The following GNL1 variants were observed in gnomAD, a reference collection of about 807,000 sequenced individuals.
GNL1 encodes the protein G protein nucleolar 1, also known as guanine nucleotide-binding protein-like 1.
Under a neutral mutation model 75.2 loss-of-function variants are expected in GNL1, and 21 were observed. That is an observed-to-expected ratio of 0.28 (90% CI 0.20 to 0.40). The LOEUF (loss-of-function observed/expected upper bound fraction) is 0.40, where lower values mean the gene tolerates loss of function less well. Among genes scored for constraint, GNL1 ranks in the 10% least tolerant of loss-of-function variants. GNL1 has a pLI of 1.00. For missense variants in GNL1, 579 were observed against 775.0 expected (o/e 0.75, Z 3.00); for synonymous variants, 287 against 303.4 (o/e 0.95, Z 0.56).
rs1366115288 is a variant in GNL1, at chr6:30,545,151, C to T, written c.*921G>A. The T allele has an allele frequency of 2.6e-5, 4 of 152,194 alleles. No homozygotes were observed. The highest frequency in any genetic ancestry group is 5.9e-5 in the Non-Finnish European group (4 of 68,052). The allele number at this position is 152,194 out of a possible 1,614,324, so 9.4% of individuals were successfully genotyped here. On this transcript the variant is annotated 3_prime_UTR_variant, in exon 12 of 12. Transcript: ENST00000376621. ...CCCCCAAACCAGAGTAAATGGAATT[C>T]AGGAGGCTGGTTCTGTGCCCGCCCC... is the stretch of plus-strand genomic sequence containing the variant.
rs1311075075 is a variant in GNL1 at position 30,548,997 on chromosome 6, T to TG, written c.1100-1468_1100-1467insC. Among the ~76,000 whole-genome samples the TG allele has an allele frequency of 6.6e-6, 1 of 151,404 alleles. No individual in the cohort carries two copies. Among genetic ancestry groups the TG allele is most frequent in the Non-Finnish European group, 1.5e-5 (1 of 67,828 alleles). Reference sequence around the variant, plus strand: ...GACAACATGTTCCATCTGTCCTTGTTTTTTTTGTTTTTGTTTTTGAGACAG... The same window carrying TG: ...GACAACATGTTCCATCTGTCCTTGTTGTTTTTTGTTTTTGTTTTTGAGACAG... On this transcript the variant is annotated intron_variant, in intron 8 of 11. Coordinates refer to ENST00000376621, the MANE Select transcript of GNL1 (RefSeq NM_005275.5). This position sits in a 1 kb window ranked among gnomAD's most constrained non-coding sequence, Gnocchi z 4.2.
Position 30,555,232 on chromosome 6 carries a change from G to A in GNL1, c.240-41C>T, listed in dbSNP as rs760904773. 6 of 1,611,778 alleles carry A rather than the reference G, an allele frequency of 3.7e-6. No homozygotes were observed. The South Asian group carries it at 5.5e-5, about 15-fold the overall frequency. On this transcript the variant is annotated intron_variant, in intron 2 of 11. Coordinates refer to ENST00000376621, the MANE Select transcript of GNL1 (RefSeq NM_005275.5). This position sits in a 1 kb window ranked among gnomAD's most constrained non-coding sequence, Gnocchi z 4.3. ...CCGAGACATCCAGAGCAATCCTGTG[G>A]CCACAAACTCCTATTTTCTCCCCTC...
Position 30,553,002 on chromosome 6 carries a change from C to G in GNL1, c.904+82G>C, listed in dbSNP as rs372013362. 29 of 986,226 alleles carry G rather than the reference C, an allele frequency of 2.9e-5. 1 individual carries two copies. Among genetic ancestry groups the G allele is most frequent in the East Asian group, 2.4e-4 (10 of 42,052 alleles). The allele number at this position is 986,226 out of a possible 1,614,324, so 61.1% of individuals were successfully genotyped here. A position where few individuals can be genotyped will look rare whatever the true frequency, so the allele number is the denominator to read the frequency against. ...CACATATCCACCATAGAGGGGTTGG[C>G]TTCAGGAAAGGTGAGCAAAATGATT... On this transcript the variant is annotated intron_variant, in intron 7 of 11. Transcript: ENST00000376621.
intron 8 of GNL1, among the ~76,000 whole-genome samples, chr6:30,550,598 A>G (rs945962701): frequency 1.3e-5 from 2 of 151,962 alleles, no homozygotes; most frequent in African/African-American, 4.8e-5. Context: ...ACCCCCCATC[A>G]TTTATTCTCT....
chr6:30,551,547 C>T (rs1799779502), intron 8 of GNL1, among the ~76,000 whole-genome samples: 2 of 152,128 alleles, frequency 1.3e-5, no homozygotes, highest in African/African-American at 4.8e-5. Context: ...GGCCCTGGGT[C>T]CTAATCATAC....
In GNL1 at chr6:30,555,439, G is replaced by A. The variant is rs1015449012; in HGVS notation, c.239+116C>T. On this transcript the variant is annotated intron_variant, in intron 2 of 11. Transcript: ENST00000376621. The surrounding 1 kb of genome is among the most constrained non-coding windows in gnomAD (Gnocchi z 4.3). The stretch of plus-strand genomic sequence containing the variant: ...CGCTGTGGGGAGCCGAGTGGCTAGC[G>A]GAGAACTGTGGCATCCCAGGCCCAC... The A allele has an allele frequency of 8.3e-6, 9 of 1,089,420 alleles. No individual in the cohort carries two copies. The highest frequency in any genetic ancestry group is 1.6e-5 in the African/African-American group (1 of 64,080). 67.5% of individuals were successfully genotyped at this position (1,089,420 alleles called of 1,614,324 possible).
Position 30,547,226 on chromosome 6 carries a change from C to T in GNL1, c.1327G>A (p.Ala443Thr). ...ATTCGGGAGGCCAGGTAGCCCACAG[C>T]AGTGTAGGGCTCCTGGATCTGGGCG... ...PIAQIQEPYT[A>T]VGYLASRIPV... is the part of the protein sequence containing the mutation. The change falls in exon 10 of 12, where the codon GCT becomes ACT. Residue 443 changes from alanine to threonine, a missense_variant. Transcript: ENST00000376621. The surrounding 1 kb of genome is among the most constrained non-coding windows in gnomAD (Gnocchi z 5.5). 6.2e-7 allele frequency: 1 copy of T among 1,611,764 alleles called. No homozygotes were observed.
rs777389445 is a variant in GNL1, at chr6:30,556,120, C to T, written c.73+11G>A. On this transcript the variant is annotated intron_variant, in intron 1 of 11. Coordinates refer to ENST00000376621, the MANE Select transcript of GNL1 (RefSeq NM_005275.5). The surrounding 1 kb of genome is among the most constrained non-coding windows in gnomAD (Gnocchi z 5.7). ...CCGAGCCCCGCCCCCTCCTCCCGCTCCCGCACTGACCTCTCTTCCGCTCCC... is the reference window on the plus strand; with the variant it reads ...CCGAGCCCCGCCCCCTCCTCCCGCTTCCGCACTGACCTCTCTTCCGCTCCC... The T allele has an allele frequency of 3.8e-6, 6 of 1,599,454 alleles. No homozygotes were observed. The Admixed American group carries it at 6.7e-5, about 18-fold the overall frequency.
Position 30,548,745 on chromosome 6 carries a change from A to C in GNL1, c.1100-1215T>G, listed in dbSNP as rs1799588215. ...TGTGCTCACTCTTTACAACACATGC[A>C]AGTATCTAGGAGGAAGGGAGGGAAG... On this transcript the variant is annotated intron_variant, in intron 8 of 11. Coordinates refer to ENST00000376621, the MANE Select transcript of GNL1 (RefSeq NM_005275.5). The surrounding 1 kb of genome is among the most constrained non-coding windows in gnomAD (Gnocchi z 4.2). Among the ~76,000 whole-genome samples, 1 of 152,094 alleles carries C rather than the reference A, an allele frequency of 6.6e-6. No homozygotes were observed. The highest frequency in any genetic ancestry group is 1.5e-5 in the Non-Finnish European group (1 of 68,020).
Position 30,541,690 on chromosome 6 carries a change from C to A in GNL1, c.*4382G>T, listed in dbSNP as rs887461430. On this transcript the variant is annotated 3_prime_UTR_variant, in exon 12 of 12. Coordinates refer to ENST00000376621, the MANE Select transcript of GNL1 (RefSeq NM_005275.5). The stretch of plus-strand genomic sequence containing the variant: ...GAAGTCCATTTACCAACGGCTGTTG[C>A]GATCTCTTAATTAGCTTGAACTGAG... The A allele has an allele frequency of 6.6e-6, 1 of 152,192 alleles. No individual in the cohort carries two copies. Among genetic ancestry groups the A allele is most frequent in the Non-Finnish European group, 1.5e-5 (1 of 68,032 alleles). The allele number at this position is 152,192 out of a possible 1,614,324, so 9.4% of individuals were successfully genotyped here.
In GNL1 at chr6:30,556,427, C is replaced by T; in HGVS notation, c.-224G>A. ...CCAGGAGCGAGGCGAGAGGATGATG[C>T]GGGGTGGGCTACTGGCACGTGAGAG... On this transcript the variant is annotated 5_prime_UTR_variant, in exon 1 of 12. Transcript: ENST00000376621. This position sits in a 1 kb window ranked among gnomAD's most constrained non-coding sequence, Gnocchi z 5.7. 1.7e-6 allele frequency: 1 copy of T among 595,110 alleles called. No individual in the cohort carries two copies. The highest frequency in any genetic ancestry group is 2.0e-5 in the South Asian group (1 of 50,696). 36.9% of individuals were successfully genotyped at this position (595,110 alleles called of 1,614,324 possible).
rs1354061024 is a variant in GNL1, at chr6:30,552,021, C to T, written c.1099+446G>A. On this transcript the variant is annotated intron_variant, in intron 8 of 11. Coordinates refer to ENST00000376621, the MANE Select transcript of GNL1 (RefSeq NM_005275.5). This position sits in a 1 kb window ranked among gnomAD's most constrained non-coding sequence, Gnocchi z 4.5. The stretch of plus-strand genomic sequence containing the variant: ...GAGACTACAGGCACATACCACCACA[C>T]TTGGCTAGTTTTCTTTATCTTTTGT... Among the ~76,000 whole-genome samples, 2 of 152,112 alleles carry T rather than the reference C, an allele frequency of 1.3e-5. No individual in the cohort carries two copies. Among genetic ancestry groups the T allele is most frequent in the East Asian group, 1.9e-4 (1 of 5,176 alleles).
At position 30,554,872 on chromosome 6, in the gene GNL1, G is replaced by A. The variant is rs776824926; in HGVS notation, c.420C>T (p.Ser140=). 12 of 1,612,504 alleles carry A rather than the reference G, an allele frequency of 7.4e-6. No individual in the cohort carries two copies. The South Asian group carries it at 1.2e-4, about 16-fold the overall frequency. Residue 140 remains serine, a synonymous_variant, in exon 4 of 12, where the codon TCC becomes TCT. Transcript: ENST00000376621. The part of the protein sequence containing the change: ...PRRPPWSYEM[S]KEQLMSQEER... ...CCTCTTGGCTCATTAGTTGCTCCTT[G>A]GACATCTCATAGCTCCAAGGAGGAC... is the stretch of plus-strand genomic sequence containing the variant.
rs1331005036 is a variant in GNL1, at chr6:30,548,471, C to G, written c.1100-941G>C. Among the ~76,000 whole-genome samples, 1 of 152,142 alleles carries G rather than the reference C, an allele frequency of 6.6e-6. No individual in the cohort carries two copies. The highest frequency in any genetic ancestry group is 1.5e-5 in the Non-Finnish European group (1 of 68,030). ...CTCTGGTTACTCCATGCCAGTAAGTCTTTGACCCCTGACCTTAACACAGTA... is the reference window on the plus strand; with the variant it reads ...CTCTGGTTACTCCATGCCAGTAAGTGTTTGACCCCTGACCTTAACACAGTA... On this transcript the variant is annotated intron_variant, in intron 8 of 11. Coordinates refer to ENST00000376621, the MANE Select transcript of GNL1 (RefSeq NM_005275.5). The surrounding 1 kb of genome is among the most constrained non-coding windows in gnomAD (Gnocchi z 4.2).
rs1800141511 is a variant in GNL1, at chr6:30,555,930, G to A, written c.73+201C>T. 8 of 805,672 alleles carry A rather than the reference G, an allele frequency of 9.9e-6. No individual in the cohort carries two copies. The highest frequency in any genetic ancestry group is 1.7e-5 in the African/African-American group (1 of 58,488). 49.9% of individuals were successfully genotyped at this position (805,672 alleles called of 1,614,324 possible). On this transcript the variant is annotated intron_variant, in intron 1 of 11. Transcript: ENST00000376621. The surrounding 1 kb of genome is among the most constrained non-coding windows in gnomAD (Gnocchi z 4.3). ...GACGGCGCCCCGTGCTAGCTGGAGG[G>A]ATTCCCCTCCCCCAACTCTCCATCC...
intron 8 of GNL1, among the ~76,000 whole-genome samples, chr6:30,551,959 C>T (rs1474168732): frequency 6.6e-6 from 1 of 152,056 alleles, no homozygotes; most frequent in Non-Finnish European, 1.5e-5. Context: ...AACTCTTGGG[C>T]TCAAGTGATC....
Position 30,546,402 on chromosome 6 carries a change from A to G in GNL1, c.1583-89T>C, listed in dbSNP as rs1317416308. On this transcript the variant is annotated intron_variant, in intron 11 of 11. Coordinates refer to ENST00000376621, the MANE Select transcript of GNL1 (RefSeq NM_005275.5). This position sits in a 1 kb window ranked among gnomAD's most constrained non-coding sequence, Gnocchi z 5.1. The stretch of plus-strand genomic sequence containing the variant: ...GATGGGGAAGAGGCAAAGACTAGGA[A>G]TAACAATAATCTTTAGAGCTGCTGG... 1.4e-5 allele frequency: 11 copies of G among 785,306 alleles called. No homozygotes were observed. The highest frequency in any genetic ancestry group is 1.3e-4 in the Admixed American group (5 of 38,576). The allele number at this position is 785,306 out of a possible 1,614,324, so 48.6% of individuals were successfully genotyped here. A position where few individuals can be genotyped will look rare whatever the true frequency, so the allele number is the denominator to read the frequency against.
rs566834684 is a variant in GNL1 at position 30,549,501 on chromosome 6, T to C, written c.1100-1971A>G. ...TGGGTCAGACTCTTTTCACACAATGTTATGTGAAGTTGTTGCACCTTCTCT... is the reference window on the plus strand; with the variant it reads ...TGGGTCAGACTCTTTTCACACAATGCTATGTGAAGTTGTTGCACCTTCTCT... On this transcript the variant is annotated intron_variant, in intron 8 of 11. Transcript: ENST00000376621. Among the ~76,000 whole-genome samples the C allele has an allele frequency of 2.6e-4, 40 of 152,302 alleles. No individual in the cohort carries two copies. In the South Asian group the frequency reaches 6.2e-3, roughly 24 times the overall value.
chr6:30,552,622 AC>A lies in GNL1; in HGVS notation c.943del (p.Val315TrpfsTer47). 1 of 1,613,954 alleles carries A rather than the reference AC, an allele frequency of 6.2e-7. No homozygotes were observed. Among genetic ancestry groups the A allele is most frequent in the Non-Finnish European group, 8.5e-7 (1 of 1,179,946 alleles). ...SSWREKIARD[V>X]AGATWGNGSG... ...GCCATTACCCCAGGTGGCCCCAGCC[AC>A]ATCCCGAGCAATCTTCTCCCGCCAG... On this transcript the variant is annotated frameshift_variant, in exon 8 of 12. Coordinates refer to ENST00000376621, the MANE Select transcript of GNL1 (RefSeq NM_005275.5). LOFTEE classifies it high-confidence loss of function. This position sits in a 1 kb window ranked among gnomAD's most constrained non-coding sequence, Gnocchi z 4.5.
Sources: allele counts gnomAD v4.1 joint callset (sites outside exome capture counted in the v4.1 genomes callset), GRCh38; gene constraint gnomAD v4.1.1; non-coding constraint Gnocchi (gnomAD v3.1); transcripts MANE v1.5; gene names NCBI Gene and HGNC (gene_info 2026-07-23, HGNC 2026-07-21).